Variants in ZNF33B observed in about 807,000 individuals in gnomAD.
The protein encoded by ZNF33B is zinc finger protein 11b (KOX 2).
A neutral mutation model predicts 45.8 loss-of-function variants in ZNF33B; 29 were observed. The ratio of observed to expected loss-of-function variants is 0.63; its 90% CI spans 0.47 to 0.86. The LOEUF (loss-of-function observed/expected upper bound fraction) is 0.86. Among genes scored for constraint, ZNF33B ranks in the 40% least tolerant of loss-of-function variants. The pLI is 0.00. For synonymous variants in ZNF33B, 305 were observed against 307.8 expected (o/e 0.99, Z 0.10); for missense variants, 831 against 909.9 (o/e 0.91, Z 1.12).
intron 2 of ZNF33B, chr10:42,633,002 A>G (rs1356486389): frequency 1.2e-5 from 2 of 168,608 alleles, no homozygotes; most frequent in Non-Finnish European, 2.5e-5. Flanking sequence ...TTTTACACCA[A>G]TGGTCTCTAA....
In ZNF33B at chr10:42,592,418, T is replaced by C; in HGVS notation, c.*195A>G. 1.2e-6 allele frequency: 1 copy of C among 821,606 alleles called. No homozygotes were observed. The highest frequency in any genetic ancestry group is 1.8e-6 in the Non-Finnish European group (1 of 548,472). The allele number at this position is 821,606 out of a possible 1,614,324, so 50.9% of individuals were successfully genotyped here. On this transcript the variant is annotated 3_prime_UTR_variant, in exon 5 of 5. Transcript: ENST00000359467. Reference sequence around the variant, plus strand: ...TAACCATCTGATATTCAACAGAATATCACTTCCTAACAAAAGCCATCCTAT... The same window carrying C: ...TAACCATCTGATATTCAACAGAATACCACTTCCTAACAAAAGCCATCCTAT...
intron 1 of ZNF33B, among the ~76,000 whole-genome samples, chr10:42,638,108 CG>C (rs1448979294): frequency 6.6e-6 from 1 of 152,230 alleles, no homozygotes; most frequent in Non-Finnish European, 1.5e-5. Flanking sequence ...GTATGTCGGG[CG>C]GGCGACTGCA....
chr10:42,637,749 G>A (rs1173670236), intron 1 of ZNF33B, among the ~76,000 whole-genome samples: 2 of 152,080 alleles, frequency 1.3e-5, no homozygotes, highest in East Asian at 1.9e-4. Context: ...TGCAACCTCC[G>A]CCTCCCGGGT....
At chr10:42,605,249 G>A (rs1301591606) in intron 4 of ZNF33B, 2 of 138,386 alleles carry the variant, frequency 1.4e-5, no homozygotes, top group Non-Finnish European at 3.0e-5. Context: ...AGTTCATGAA[G>A]TGCTGCATTA....
At chr10:42,628,755 C>T (rs938426823) in intron 4 of ZNF33B, among the ~76,000 whole-genome samples, 1 of 151,980 alleles carries the variant, frequency 6.6e-6, no homozygotes, top group East Asian at 1.9e-4. Flanking sequence ...TAGAGAACGC[C>T]ACCGATCATA....
chr10:42,605,150 G>A (rs754751924), intron 4 of ZNF33B: 6 of 150,726 alleles, frequency 4.0e-5, no homozygotes, highest in Admixed American at 2.0e-4. Context: ...ATATTCAAAC[G>A]AATGGCTATG....
chr10:42,625,755 G>A (rs1285087100), intron 4 of ZNF33B, among the ~76,000 whole-genome samples: 6 of 152,270 alleles, frequency 3.9e-5, no homozygotes, highest in African/African-American at 1.4e-4. Flanking sequence ...TTATAGGCAT[G>A]AGCCACCAGG....
In ZNF33B at chr10:42,593,036, T is replaced by A. The variant is rs759613826; in HGVS notation, c.1914A>T (p.Glu638Asp). Residue 638 changes from glutamate to aspartate, a missense_variant, in exon 5 of 5, where the codon GAA (glutamate) becomes GAT (aspartate). Transcript: ENST00000359467. ...QRIHIGEKPY[E>D]CNECGKAFCH... Reference sequence around the variant, plus strand: ...AGAAAGCTTTTCCACACTCATTACATTCATAGGGTTTCTCCCCTATGTGAA... The same window carrying A: ...AGAAAGCTTTTCCACACTCATTACAATCATAGGGTTTCTCCCCTATGTGAA... 3.1e-6 allele frequency: 5 copies of A among 1,614,136 alleles called. No individual in the cohort carries two copies. Among genetic ancestry groups the A allele is most frequent in the Non-Finnish European group, 4.2e-6 (5 of 1,179,988 alleles).
chr10:42,592,586 T>G lies in ZNF33B; in HGVS notation c.*27A>C, dbSNP rs757132169. On this transcript the variant is annotated 3_prime_UTR_variant, in exon 5 of 5. Transcript: ENST00000359467. ...CTCTGAGGCATTATGGAGGCTGACT[T>G]GTGGCTGGAAATTTCTAATATCCAA... The G allele has an allele frequency of 1.3e-6, 2 of 1,597,322 alleles. No homozygotes were observed. The highest frequency in any genetic ancestry group is 4.5e-5 in the East Asian group (2 of 44,790).
At chr10:42,586,223 A>G (rs1836933562), downstream of ZNF33B, among the ~76,000 whole-genome samples, 1 of 136,692 alleles carries the variant, frequency 7.3e-6, no homozygotes, top group Non-Finnish European at 1.5e-5. Context: ...GCACCATCTC[A>G]GCTCACTGCA....
At chr10:42,612,233 ATTTT>A (rs59259404) in intron 4 of ZNF33B, among the ~76,000 whole-genome samples, 3 of 119,330 alleles carry the variant, frequency 2.5e-5, no homozygotes, top group East Asian at 2.5e-4. Context: ...ACAGAAGTTG[ATTTT>A]TTTTTTTTTT....
chr10:42,638,376 G>A (rs1839441686), intron 1 of ZNF33B, 98 bp downstream of exon 1: 7 of 331,272 alleles, frequency 2.1e-5, no homozygotes, highest in South Asian at 1.2e-4. Flanking sequence ...TGAGGTCCCC[G>A]GGACTCCTCG....
At chr10:42,610,963 A>AT (rs2055451266) in intron 4 of ZNF33B, among the ~76,000 whole-genome samples, 1 of 152,260 alleles carries the variant, frequency 6.6e-6, no homozygotes, top group African/African-American at 2.4e-5. Flanking sequence ...AACATGTGAA[A>AT]TAAAATTGAG....
chr10:42,578,086 A>G (rs1393594557), intron 1 of ZNF33B, among the ~76,000 whole-genome samples: 4 of 91,026 alleles, frequency 4.4e-5, no homozygotes, highest in African/African-American at 1.0e-4. Context: ...AAATGAGGAA[A>G]CAGACACTGA....
In ZNF33B at chr10:42,593,847, T is replaced by C. The variant is rs776144739; in HGVS notation, c.1103A>G (p.Glu368Gly). 5.0e-6 allele frequency: 8 copies of C among 1,613,976 alleles called. No individual in the cohort carries two copies. In the East Asian group the frequency reaches 1.6e-4, roughly 31 times the overall value. Residue 368 changes from glutamate to glycine, a missense_variant, in exon 5 of 5, where the codon GAG becomes GGG. Glu to Gly is a moderately conservative substitution (Grantham distance 98, BLOSUM62 -2). Transcript: ENST00000359467. Reference protein sequence around the residue: ...QCNQCGKTFWEKSNLTKHQRS... With the variant: ...QCNQCGKTFWGKSNLTKHQRS... ...CTGATGTTTAGTGAGGTTTGACTTC[T>C]CCCAGAAAGTTTTTCCACATTGATT...
At position 42,594,320 on chromosome 10, in the gene ZNF33B, C is replaced by T. The variant is rs745396650; in HGVS notation, c.630G>A (p.Glu210=). Residue 210 remains glutamate (E), a synonymous_variant, in exon 5 of 5, where the codon GAG becomes GAA. Coordinates refer to ENST00000359467, the MANE Select transcript of ZNF33B (RefSeq NM_006955.3). ...AATTGTGGTCTAAAGTTTGAATCTT[C>T]TCATGCTGCAAAGTGTTCTCACGAT... ...LSHRENTLQH[E]KIQTLDHNFE... 2 of 1,613,882 alleles carry T rather than the reference C, an allele frequency of 1.2e-6. No individual in the cohort carries two copies. Among genetic ancestry groups the T allele is most frequent in the Non-Finnish European group, 1.7e-6 (2 of 1,179,880 alleles).
At chr10:42,637,116 A>C in intron 1 of ZNF33B, 144 bp from the exon 2 acceptor site, 1 of 718,908 alleles carries the variant, frequency 1.4e-6, no homozygotes. Context: ...ACACTTCGGA[A>C]TAGGGGGTAG....
intron 4 of ZNF33B, among the ~76,000 whole-genome samples, chr10:42,625,041 TA>T (rs398114271): frequency 7.1e-4 from 11 of 15,386 alleles, no homozygotes; most frequent in East Asian, 9.7e-3. Context: ...TCATATTTTA[TA>T]TATATATATA....
At chr10:42,587,609 T>C (rs1467811228), downstream of ZNF33B, among the ~76,000 whole-genome samples, 1 of 152,162 alleles carries the variant, frequency 6.6e-6, no homozygotes, top group Non-Finnish European at 1.5e-5. Context: ...TCACAGTCAC[T>C]CTCCCTATGA....
Sources: gnomAD v4.1 joint callset for allele counts (sites outside exome capture counted in the v4.1 genomes callset) on GRCh38, gnomAD v4.1.1 for gene constraint, MANE v1.5 for transcripts, NCBI Gene and HGNC (gene_info 2026-07-23, HGNC 2026-07-21) for gene names.